Variants in RALGAPA2 observed in about 807,000 individuals in gnomAD.
RALGAPA2 encodes ral GTPase-activating protein subunit alpha-2.
A neutral mutation model predicts 230.4 loss-of-function variants in RALGAPA2; 139 were observed. That is an observed-to-expected ratio of 0.60 (90% CI 0.53 to 0.69). The LOEUF is 0.69. Ranked by LOEUF, RALGAPA2 falls within the 30% of genes least tolerant of loss-of-function variation. The pLI is 0.00. For synonymous variants in RALGAPA2, 847 were observed against 837.8 expected (o/e 1.01, Z -0.19); for missense variants, 2,163 against 2,276.0 (o/e 0.95, Z 1.01).
At chr20:20,543,624 G>T (rs914477739) in intron 24 of RALGAPA2, among the ~76,000 whole-genome samples, 2 of 152,120 alleles carry the variant, frequency 1.3e-5, no homozygotes, top group Admixed American at 6.5e-5. Flanking sequence ...GCAAACTATC[G>T]CAAGGACAAA....
At chr20:20,476,107 T>C (rs1884983628) in intron 36 of RALGAPA2, among the ~76,000 whole-genome samples, 1 of 152,166 alleles carries the variant, frequency 6.6e-6, no homozygotes, top group Admixed American at 6.5e-5. Context: ...ATGTACAATG[T>C]TCATGGACTG....
intron 36 of RALGAPA2, 98 bp from the exon 37 acceptor site, chr20:20,473,054 T>C: frequency 3.1e-6 from 4 of 1,309,566 alleles, no homozygotes; most frequent in Non-Finnish European, 4.2e-6. Context: ...CAATGAGCAC[T>C]TAAGCTGTCA....
chr20:20,605,545 T>C (rs952928757), intron 14 of RALGAPA2, 133 bp from the exon 15 acceptor site: 1 of 733,266 alleles, frequency 1.4e-6, no homozygotes, highest in African/African-American at 1.8e-5. Context: ...GTTGTTTTTC[T>C]TTTAATTCTC....
intron 37 of RALGAPA2, among the ~76,000 whole-genome samples, chr20:20,460,003 C>A (rs1741478461): frequency 6.6e-6 from 1 of 152,182 alleles, no homozygotes; most frequent in Non-Finnish European, 1.5e-5. Context: ...GGCTGTGAAG[C>A]CCCCTGAGGC....
At chr20:20,431,098 C>T (rs908334484) in intron 37 of RALGAPA2, among the ~76,000 whole-genome samples, 3 of 151,276 alleles carry the variant, frequency 2.0e-5, no homozygotes, top group African/African-American at 4.9e-5. Flanking sequence ...CCCCCTGAAG[C>T]GTAGCTCTGA....
intron 9 of RALGAPA2, among the ~76,000 whole-genome samples, chr20:20,631,179 C>A (rs984924635): frequency 6.6e-6 from 1 of 152,214 alleles, no homozygotes. Flanking sequence ...AGTTCAACTA[C>A]CTTATTAACC....
At chr20:20,462,783 A>C (rs1210728777) in intron 37 of RALGAPA2, among the ~76,000 whole-genome samples, 1 of 152,232 alleles carries the variant, frequency 6.6e-6, no homozygotes, top group Admixed American at 6.5e-5. Context: ...AGGGACCACC[A>C]TTTGGACTTG....
intron 4 of RALGAPA2, among the ~76,000 whole-genome samples, chr20:20,652,237 C>G (rs2067424858): frequency 6.6e-6 from 1 of 151,974 alleles, no homozygotes; most frequent in African/African-American, 2.4e-5. Context: ...AATCATGTTG[C>G]ATTCTTTCAG....
intron 37 of RALGAPA2, among the ~76,000 whole-genome samples, chr20:20,416,245 C>A (rs887671164): frequency 7.9e-5 from 12 of 152,168 alleles, no homozygotes; most frequent in Admixed American, 1.3e-4. Flanking sequence ...CCATGTGGGC[C>A]TAGGGTTTTG....
intron 39 of RALGAPA2, among the ~76,000 whole-genome samples, chr20:20,393,834 C>T (rs1292341314): frequency 1.3e-5 from 2 of 152,180 alleles, no homozygotes; most frequent in East Asian, 1.9e-4. Flanking sequence ...TGCACATCTG[C>T]ACCCCCCGCT....
chr20:20,583,754 C>G (rs1281936698), intron 19 of RALGAPA2, among the ~76,000 whole-genome samples: 8 of 152,162 alleles, frequency 5.3e-5, no homozygotes, highest in Non-Finnish European at 1.2e-4. Context: ...CCCCTTTAAA[C>G]AGTAATAAGT....
intron 18 of RALGAPA2, among the ~76,000 whole-genome samples, chr20:20,585,961 A>G (rs2065122285): frequency 6.6e-6 from 1 of 152,246 alleles, no homozygotes; most frequent in Non-Finnish European, 1.5e-5. Flanking sequence ...ATAAAAAGCA[A>G]GCCATGAATA....
intron 24 of RALGAPA2, among the ~76,000 whole-genome samples, chr20:20,544,338 CAAAA>C (rs78312536): frequency 1.1e-5 from 1 of 89,386 alleles, no homozygotes; most frequent in Admixed American, 1.2e-4. Context: ...GACTCTGTCT[CAAAA>C]AAAAAAAAAA....
At chr20:20,403,232 G>T (rs148253964) in intron 38 of RALGAPA2, among the ~76,000 whole-genome samples, 1 of 152,302 alleles carries the variant, frequency 6.6e-6, no homozygotes, top group African/African-American at 2.4e-5. Flanking sequence ...GTGAAGGAAG[G>T]GCTGCTGTCT....
intron 16 of RALGAPA2, among the ~76,000 whole-genome samples, chr20:20,597,850 AAAC>A (rs1235223587): frequency 1.3e-5 from 2 of 152,176 alleles, no homozygotes; most frequent in Admixed American, 6.5e-5. Flanking sequence ...AAAAAATCAA[AAAC>A]AACAACAACA....
chr20:20,536,092 T>C (rs746859614), intron 25 of RALGAPA2, among the ~76,000 whole-genome samples: 16 of 152,268 alleles, frequency 1.1e-4, no homozygotes, highest in Non-Finnish European at 1.8e-4. Context: ...GGTTTTCTTT[T>C]ACTTCAATTG....
At chr20:20,431,717 G>A (rs2060505402) in intron 37 of RALGAPA2, among the ~76,000 whole-genome samples, 1 of 152,164 alleles carries the variant, frequency 6.6e-6, no homozygotes, top group African/African-American at 2.4e-5. Flanking sequence ...ACAAATAAAT[G>A]TAAGTATGTG....
chr20:20,656,638 G>C (rs1427461081), intron 3 of RALGAPA2, among the ~76,000 whole-genome samples: 6 of 152,196 alleles, frequency 3.9e-5, no homozygotes, highest in African/African-American at 1.4e-4. Flanking sequence ...GTTATGTCAA[G>C]TTACATTACA....
chr20:20,495,860 TAA>T (rs2062190551), intron 35 of RALGAPA2, among the ~76,000 whole-genome samples: 1 of 152,218 alleles, frequency 6.6e-6, no homozygotes, highest in South Asian at 2.1e-4. Context: ...ACCTAGCATT[TAA>T]GGAGTGCTTA....
Sources: allele counts gnomAD v4.1 joint callset (sites outside exome capture counted in the v4.1 genomes callset), GRCh38; gene constraint gnomAD v4.1.1; transcripts MANE v1.5; gene names NCBI Gene and HGNC (gene_info 2026-07-23, HGNC 2026-07-21).